GPR158: variants seen among roughly 807,000 people sequenced by gnomAD.
GPR158 encodes metabotropic glycine receptor.
GPR158 carries 30 observed loss-of-function variants against 78.2 expected under a neutral mutation model. That is an observed-to-expected ratio of 0.38 (90% CI 0.29 to 0.52). The LOEUF is 0.52. Among genes scored for constraint, GPR158 ranks in the 20% least tolerant of loss-of-function variants. The probability of loss-of-function intolerance (pLI) is 0.83; values close to 1 mark genes in which losing one functional copy is unlikely to be tolerated. For missense variants in GPR158, 1,463 were observed against 1,523.5 expected (o/e 0.96, Z 0.66); for synonymous variants, 581 against 591.1 (o/e 0.98, Z 0.25).
chr10:25,347,985 T>G (rs935463197), intron 2 of GPR158, among the ~76,000 whole-genome samples: 1 of 151,890 alleles, frequency 6.6e-6, no homozygotes, highest in Non-Finnish European at 1.5e-5. Flanking sequence ...GCCTAAAGTC[T>G]TTGCGGCAAA....
At chr10:25,385,442 G>T (rs1218321680) in intron 2 of GPR158, among the ~76,000 whole-genome samples, 1 of 152,056 alleles carries the variant, frequency 6.6e-6, no homozygotes. Context: ...TATGCAAATA[G>T]CTCTTCAAAT....
At chr10:25,457,140 CTTTTT>C (rs11384299) in intron 4 of GPR158, among the ~76,000 whole-genome samples, 3 of 59,400 alleles carry the variant, frequency 5.1e-5, no homozygotes, top group Admixed American at 2.4e-4. Flanking sequence ...CCATGCCCAC[CTTTTT>C]TTTTTTTTTT....
chr10:25,254,703 CTTG>C (rs1441939107), intron 2 of GPR158, among the ~76,000 whole-genome samples: 2 of 152,054 alleles, frequency 1.3e-5, no homozygotes, highest in African/African-American at 2.4e-5. Flanking sequence ...TCCAGAATAT[CTTG>C]TTATTTTTGT....
At position 25,598,041 on chromosome 10, in the gene GPR158, G is replaced by A; in HGVS notation, c.2415G>A (p.Glu805=). Residue 805 remains glutamate, a synonymous_variant, in exon 11 of 11, where the codon GAG becomes GAA. Transcript: ENST00000376351. ...GGAACACAGGGAAATCCAAGGAGGA[G>A]ACCCTGAAAAACCGAGTCTTCTCAC... ...SSGNTGKSKE[E]TLKNRVFSLK... is the part of the protein sequence containing the mutation. 1.2e-6 allele frequency: 2 copies of A among 1,614,058 alleles called. No individual in the cohort carries two copies. Among genetic ancestry groups the A allele is most frequent in the Non-Finnish European group, 1.7e-6 (2 of 1,180,020 alleles).
rs78461634 is a variant in GPR158, at chr10:25,308,547, G to A, written c.1009-87364G>A. ...TCCCCTTTAAGTTTTTCTTTACATT[G>A]TAAAATACACATAACATAAAATTTG... is the stretch of plus-strand genomic sequence containing the variant. On this transcript the variant is annotated intron_variant, in intron 2 of 10. Transcript: ENST00000376351. Among the ~76,000 whole-genome samples the A allele has an allele frequency of 8.1e-3, 1,222 of 151,550 alleles. 25 individuals are homozygous for A. The highest frequency in any genetic ancestry group is 0.029 in the African/African-American group (1,178 of 41,244).
chr10:25,478,580 A>G (rs575234377), intron 5 of GPR158, among the ~76,000 whole-genome samples: 1 of 152,090 alleles, frequency 6.6e-6, no homozygotes, highest in East Asian at 1.9e-4. Context: ...GAGATTTTAT[A>G]AAAGATACTA....
At chr10:25,590,141 T>C (rs973131691) in intron 8 of GPR158, among the ~76,000 whole-genome samples, 1 of 152,100 alleles carries the variant, frequency 6.6e-6, no homozygotes, top group African/African-American at 2.4e-5. Flanking sequence ...TCTCTGACTT[T>C]AGTCAGCAGT....
At chr10:25,276,231 T>C (rs1854181067) in intron 2 of GPR158, among the ~76,000 whole-genome samples, 1 of 152,194 alleles carries the variant, frequency 6.6e-6, no homozygotes, top group African/African-American at 2.4e-5. Context: ...ATTCTGTTGA[T>C]TAAAATGTGG....
Position 25,598,417 on chromosome 10 carries a change from T to A in GPR158, c.2791T>A (p.Ser931Thr). ...AGCAGGTGTGGAAGAACGCACTAAA[T>A]CCCAGAAACCTTTGCCAAAAGATAA... is the stretch of plus-strand genomic sequence containing the variant. The part of the protein sequence containing the change: ...QTAGVEERTK[S>T]QKPLPKDKET... Residue 931 changes from serine to threonine, a missense_variant, in exon 11 of 11, where the codon TCC becomes ACC. Coordinates refer to ENST00000376351, the MANE Select transcript of GPR158 (RefSeq NM_020752.3). 6.2e-7 allele frequency: 1 copy of A among 1,613,928 alleles called. No individual in the cohort carries two copies. Among genetic ancestry groups the A allele is most frequent in the South Asian group, 1.1e-5 (1 of 91,068 alleles).
intron 7 of GPR158, among the ~76,000 whole-genome samples, chr10:25,587,804 G>A (rs1837290738): frequency 6.6e-6 from 1 of 152,122 alleles, no homozygotes; most frequent in Non-Finnish European, 1.5e-5. Flanking sequence ...AATAATTAAG[G>A]CCCTACCTAC....
intron 5 of GPR158, among the ~76,000 whole-genome samples, chr10:25,505,764 A>G (rs1836005082): frequency 1.3e-5 from 2 of 151,898 alleles, no homozygotes; most frequent in Admixed American, 6.6e-5. Flanking sequence ...CCACGCCTTC[A>G]TGCTCTTGTA....
chr10:25,202,899 T>C (rs745810051), intron 1 of GPR158, among the ~76,000 whole-genome samples: 3 of 152,122 alleles, frequency 2.0e-5, no homozygotes, highest in East Asian at 1.9e-4. Context: ...TATTTCTCCG[T>C]GTCCTCTCCA....
chr10:25,367,069 A>G (rs1264485177), intron 2 of GPR158, among the ~76,000 whole-genome samples: 1 of 151,682 alleles, frequency 6.6e-6, no homozygotes, highest in Non-Finnish European at 1.5e-5. Flanking sequence ...TATATTTAAT[A>G]ATACCCCAAA....
At chr10:25,196,871 C>G (rs1446016096) in intron 1 of GPR158, among the ~76,000 whole-genome samples, 1 of 152,150 alleles carries the variant, frequency 6.6e-6, no homozygotes, top group Admixed American at 6.6e-5. Flanking sequence ...ACCTTGATGC[C>G]TGCTTTAGTT....
chr10:25,199,765 C>T (rs1410429021), intron 1 of GPR158, among the ~76,000 whole-genome samples: 1 of 152,130 alleles, frequency 6.6e-6, no homozygotes, highest in African/African-American at 2.4e-5. Context: ...TTCCTGAGGC[C>T]GCCTCAGCCA....
intron 7 of GPR158, among the ~76,000 whole-genome samples, chr10:25,576,986 A>AAAAAAATC (rs1190989889): frequency 6.6e-6 from 1 of 150,792 alleles, no homozygotes; most frequent in African/African-American, 2.4e-5. Flanking sequence ...AAAAAAAAAA[A>AAAAAAATC]AGTCAGGGCA....
At position 25,599,595 on chromosome 10, in the gene GPR158, G is replaced by C. The variant is rs1055035494; in HGVS notation, c.*321G>C. The stretch of plus-strand genomic sequence containing the variant: ...ATGGGACTTTGAAGATCCTAAGCCA[G>C]GTAAACCAGGAGACACAGAAGACGT... On this transcript the variant is annotated 3_prime_UTR_variant, in exon 11 of 11. Coordinates refer to ENST00000376351, the MANE Select transcript of GPR158 (RefSeq NM_020752.3). The C allele has an allele frequency of 5.6e-5, 13 of 231,478 alleles. No homozygotes were observed. The highest frequency in any genetic ancestry group is 7.6e-5 in the Non-Finnish European group (9 of 118,974). 14.3% of individuals were successfully genotyped at this position (231,478 alleles called of 1,614,324 possible).
chr10:25,593,852 A>G (rs1349682820), intron 8 of GPR158, among the ~76,000 whole-genome samples: 1 of 152,076 alleles, frequency 6.6e-6, no homozygotes, highest in African/African-American at 2.4e-5. Flanking sequence ...ACAAAGATAA[A>G]TAATTGTCCA....
chr10:25,220,411 GTCTT>G (rs1461933625), intron 1 of GPR158, among the ~76,000 whole-genome samples: 12 of 152,186 alleles, frequency 7.9e-5, no homozygotes, highest in African/African-American at 2.9e-4. Flanking sequence ...TTTGTGAGTT[GTCTT>G]TCTTAGTGAC....
Sources: allele counts gnomAD v4.1 joint callset (sites outside exome capture counted in the v4.1 genomes callset), GRCh38; gene constraint gnomAD v4.1.1; transcripts MANE v1.5; gene names NCBI Gene and HGNC (gene_info 2026-07-23, HGNC 2026-07-21).